NOL4: variants seen among roughly 807,000 people sequenced by gnomAD.
NOL4 encodes nucleolar protein 4, also known as cancer/testis antigen 125.
Under a neutral mutation model 75.9 loss-of-function variants are expected in NOL4, and 17 were observed. The ratio of observed to expected loss-of-function variants is 0.22; its 90% CI spans 0.15 to 0.34. The LOEUF is 0.34. Ranked by LOEUF, NOL4 falls within the 10% of genes least tolerant of loss-of-function variation. NOL4 has a pLI of 1.00. For missense variants in NOL4, 614 were observed against 793.5 expected (o/e 0.77, Z 2.72); for synonymous variants, 292 against 289.9 (o/e 1.01, Z -0.07).
chr18:34,202,164 TTTAA>T lies in NOL4; in HGVS notation c.264+20822_264+20825del, dbSNP rs1251477077. Among the ~76,000 whole-genome samples the T allele has an allele frequency of 2.0e-5, 3 of 152,032 alleles. No individual in the cohort carries two copies. In the East Asian group the frequency reaches 5.8e-4, roughly 29 times the overall value. On this transcript the variant is annotated intron_variant, in intron 1 of 10. Transcript: ENST00000261592. ...AGTCCAAATCCCACTTTTACTCTAA[TTTAA>T]TTATTATATTAAGTGTTTATTAAGC...
intron 5 of NOL4, among the ~76,000 whole-genome samples, chr18:34,070,439 T>C (rs2077465526): frequency 6.6e-6 from 1 of 152,216 alleles, no homozygotes; most frequent in African/African-American, 2.4e-5. Flanking sequence ...ATAAATAGAC[T>C]TTGCCTCTTC....
chr18:34,211,557 T>C (rs892988768), intron 1 of NOL4, among the ~76,000 whole-genome samples: 2 of 152,224 alleles, frequency 1.3e-5, no homozygotes, highest in African/African-American at 4.8e-5. Flanking sequence ...ATCTGGCAAC[T>C]GTAGTTACAT....
chr18:34,066,804 CAA>C (rs2077297751), intron 5 of NOL4, among the ~76,000 whole-genome samples: 1 of 150,810 alleles, frequency 6.6e-6, no homozygotes, highest in Non-Finnish European at 1.5e-5. Flanking sequence ...ACAATAATTC[CAA>C]AACTCTATAT....
At chr18:34,189,669 TTTAAA>T (rs2034764993) in intron 1 of NOL4, among the ~76,000 whole-genome samples, 1 of 152,260 alleles carries the variant, frequency 6.6e-6, no homozygotes, top group South Asian at 2.1e-4. Context: ...CCTGGTATAT[TTTAAA>T]TTAATGTATT....
At chr18:33,880,337 G>A (rs914194717) in intron 10 of NOL4, among the ~76,000 whole-genome samples, 1 of 147,850 alleles carries the variant, frequency 6.8e-6, no homozygotes, top group African/African-American at 2.5e-5. Flanking sequence ...GTGTGTGTGT[G>A]TGTAATGAAA....
chr18:34,104,762 G>T (rs551033444), intron 3 of NOL4, among the ~76,000 whole-genome samples: 1 of 152,054 alleles, frequency 6.6e-6, no homozygotes, highest in African/African-American at 2.4e-5. Flanking sequence ...CAATTTCCTT[G>T]CTGAATATAT....
chr18:34,090,823 A>T (rs968670960), intron 5 of NOL4, among the ~76,000 whole-genome samples: 2 of 152,180 alleles, frequency 1.3e-5, no homozygotes, highest in Admixed American at 1.3e-4. Context: ...AAAAGGATAG[A>T]GTGGAAATAA....
intron 10 of NOL4, among the ~76,000 whole-genome samples, chr18:33,859,657 G>T (rs549435644): frequency 1.5e-4 from 23 of 152,124 alleles, no homozygotes; most frequent in African/African-American, 5.6e-4. Flanking sequence ...AGTGGCTTAC[G>T]CCTATAATCC....
intron 9 of NOL4, among the ~76,000 whole-genome samples, chr18:33,915,193 C>A (rs2066640963): frequency 2.6e-5 from 4 of 151,998 alleles, no homozygotes; most frequent in Admixed American, 2.0e-4. Flanking sequence ...AGAAATAGAC[C>A]ATTGGCTCTA....
At chr18:34,038,051 A>G (rs1008108068) in intron 5 of NOL4, among the ~76,000 whole-genome samples, 2 of 152,166 alleles carry the variant, frequency 1.3e-5, no homozygotes, top group Non-Finnish European at 2.9e-5. Context: ...ACAATAAAAA[A>G]ACAAATAATG....
chr18:34,136,544 A>G (rs892641208), intron 1 of NOL4, among the ~76,000 whole-genome samples: 1 of 152,170 alleles, frequency 6.6e-6, no homozygotes, highest in African/African-American at 2.4e-5. Flanking sequence ...GCAATGAACA[A>G]TCTGAAAATG....
chr18:34,137,900 A>C (rs1429484138), intron 1 of NOL4, among the ~76,000 whole-genome samples: 1 of 152,118 alleles, frequency 6.6e-6, no homozygotes, highest in Non-Finnish European at 1.5e-5. Context: ...TAATATCCAA[A>C]AAGTGGGAAC....
intron 4 of NOL4, 38 bp from the exon 5 acceptor site, chr18:34,093,635 GTA>G: frequency 6.9e-7 from 1 of 1,447,006 alleles, no homozygotes; most frequent in South Asian, 1.3e-5. Flanking sequence ...GCATTTTAAC[GTA>G]TAATACGTTT....
At chr18:34,027,523 T>C (rs932900412) in intron 5 of NOL4, among the ~76,000 whole-genome samples, 1 of 152,210 alleles carries the variant, frequency 6.6e-6, no homozygotes, top group East Asian at 1.9e-4. Flanking sequence ...AAGCCAGCAT[T>C]ATGCTTTGTG....
At position 34,019,390 on chromosome 18, in the gene NOL4, C is replaced by T. The variant is rs532770554; in HGVS notation, c.984G>A (p.Gly328=). 5.6e-6 allele frequency: 9 copies of T among 1,613,838 alleles called. No homozygotes were observed. Among genetic ancestry groups the T allele is most frequent in the Admixed American group, 1.7e-5 (1 of 59,976 alleles). The change falls in exon 6 of 11, where the codon GGG becomes GGA. Residue 328 remains glycine (G), a synonymous_variant. Coordinates refer to ENST00000261592, the MANE Select transcript of NOL4 (RefSeq NM_003787.5). ...TTAGAAGATTCTTATACTTGTTTTT[C>T]CCATTACTGTTGTGATCATCTATTC... ...EYRIDDHNSN[G]KNKYKNLLIS... is the part of the protein sequence containing the mutation.
chr18:34,139,547 G>A (rs1478184301), intron 1 of NOL4, among the ~76,000 whole-genome samples: 6 of 151,818 alleles, frequency 4.0e-5, no homozygotes, highest in Non-Finnish European at 5.9e-5. Context: ...TTTTTATTGC[G>A]TCTATTTGAT....
chr18:34,165,040 A>G lies in NOL4; in HGVS notation c.265-35020T>C, dbSNP rs538628549. On this transcript the variant is annotated intron_variant, in intron 1 of 10. Coordinates refer to ENST00000261592, the MANE Select transcript of NOL4 (RefSeq NM_003787.5). ...CTCACTCATAGGTGGGAATTGAACA[A>G]TGAGAACACATGGACACAGGAAGGG... Among the ~76,000 whole-genome samples the G allele has an allele frequency of 3.1e-3, 455 of 145,822 alleles. 1 individual carries two copies. The highest frequency in any genetic ancestry group is 0.011 in the African/African-American group (434 of 39,576).
In NOL4 at chr18:34,157,422, A is replaced by G. The variant is rs368148917; in HGVS notation, c.265-27402T>C. Among the ~76,000 whole-genome samples the G allele has an allele frequency of 2.6e-5, 4 of 152,146 alleles. No homozygotes were observed. In the East Asian group the frequency reaches 7.7e-4, roughly 29 times the overall value. On this transcript the variant is annotated intron_variant, in intron 1 of 10. Transcript: ENST00000261592. ...AGAAAATCAAATTTTGGATAGGAAAATAGTTCAGTGAGTCACAGGTTGAAT... is the reference window on the plus strand; with the variant it reads ...AGAAAATCAAATTTTGGATAGGAAAGTAGTTCAGTGAGTCACAGGTTGAAT...
chr18:34,209,786 C>T (rs1020523607), intron 1 of NOL4, among the ~76,000 whole-genome samples: 3 of 152,022 alleles, frequency 2.0e-5, no homozygotes, highest in East Asian at 1.9e-4. Context: ...CAGTTAGAAA[C>T]GCAAATAATT....
Sources: gnomAD v4.1 joint callset for allele counts (sites outside exome capture counted in the v4.1 genomes callset) on GRCh38, gnomAD v4.1.1 for gene constraint, MANE v1.5 for transcripts, NCBI Gene and HGNC (gene_info 2026-07-23, HGNC 2026-07-21) for gene names.